The following RYR2 variants were observed in gnomAD, a reference collection of about 807,000 sequenced individuals.
RYR2 encodes the protein cardiac muscle ryanodine receptor-calcium release channel.
A neutral mutation model predicts 601.1 loss-of-function variants in RYR2; 227 were observed. That is an observed-to-expected ratio of 0.38 (90% confidence interval 0.34 to 0.42). The LOEUF (loss-of-function observed/expected upper bound fraction) is 0.42. RYR2 is among the 10% of genes least tolerant of loss of function. The pLI, the probability that RYR2 is intolerant of heterozygous loss-of-function variation, is 1.00. For missense variants in RYR2, 4,646 were observed against 6,156.5 expected (o/e 0.75, Z 8.21); for synonymous variants, 2,223 against 2,175.1 (o/e 1.02, Z -0.61).
intron 14 of RYR2, among the ~76,000 whole-genome samples, chr1:237,450,626 T>C (rs76313299): frequency 0.021 from 3,123 of 152,298 alleles, 54 homozygotes; most frequent in Non-Finnish European, 0.03. Flanking sequence ...CTAGTTGACA[T>C]GTGCAATGCT....
chr1:237,210,590 T>C (rs1418997827), intron 1 of RYR2, among the ~76,000 whole-genome samples: 1 of 152,202 alleles, frequency 6.6e-6, no homozygotes, highest in Non-Finnish European at 1.5e-5. Flanking sequence ...CATTCCATTA[T>C]ATGCTGGTCC....
chr1:237,404,047 A>G (rs1323691760), intron 10 of RYR2, among the ~76,000 whole-genome samples: 1 of 152,188 alleles, frequency 6.6e-6, no homozygotes, highest in African/African-American at 2.4e-5. Flanking sequence ...CCAGTCTAGG[A>G]GTTCAAGACC....
At chr1:237,625,415 G>A (rs1309347205) in intron 39 of RYR2, among the ~76,000 whole-genome samples, 1 of 152,068 alleles carries the variant, frequency 6.6e-6, no homozygotes, top group African/African-American at 2.4e-5. Context: ...TCTCTACTCA[G>A]TGTTATATTT....
intron 29 of RYR2, among the ~76,000 whole-genome samples, chr1:237,574,513 G>GT (rs1456831033): frequency 6.6e-6 from 1 of 152,184 alleles, no homozygotes; most frequent in Non-Finnish European, 1.5e-5. Context: ...TTTACTTTGA[G>GT]TTAGTCAAAT....
intron 17 of RYR2, among the ~76,000 whole-genome samples, chr1:237,489,266 T>C (rs1476681384): frequency 6.6e-6 from 1 of 151,918 alleles, no homozygotes; most frequent in African/African-American, 2.4e-5. Flanking sequence ...CCAACAAACA[T>C]ATGAAAAATA....
intron 23 of RYR2, among the ~76,000 whole-genome samples, chr1:237,507,229 G>T (rs535517555): frequency 7.2e-5 from 11 of 152,208 alleles, no homozygotes; most frequent in Non-Finnish European, 1.3e-4. Context: ...AGTTCCAATT[G>T]TGTGTAAAAG....
intron 47 of RYR2, among the ~76,000 whole-genome samples, chr1:237,642,064 AAC>A (rs1475952678): frequency 6.6e-6 from 1 of 152,238 alleles, no homozygotes; most frequent in East Asian, 1.9e-4. Context: ...GAGAGTTTGA[AAC>A]ACATTGATTG....
At chr1:237,115,118 C>T (rs552314845) in intron 1 of RYR2, among the ~76,000 whole-genome samples, 1 of 152,152 alleles carries the variant, frequency 6.6e-6, no homozygotes, top group South Asian at 2.1e-4. Flanking sequence ...GGCTATCTGT[C>T]GGTACCTTTG....
intron 88 of RYR2, among the ~76,000 whole-genome samples, 192 bp downstream of exon 88, chr1:237,778,962 C>T (rs553964740): frequency 6.6e-6 from 1 of 152,164 alleles, no homozygotes; most frequent in Admixed American, 6.5e-5. Flanking sequence ...CGTTATGTAA[C>T]CTGAGAATAG....
At chr1:237,626,653 G>A (rs1679709700) in intron 40 of RYR2, among the ~76,000 whole-genome samples, 1 of 125,624 alleles carries the variant, frequency 8.0e-6, no homozygotes, top group African/African-American at 3.1e-5. Flanking sequence ...GTGCAGTGGT[G>A]CATTTTCGGC....
intron 1 of RYR2, among the ~76,000 whole-genome samples, chr1:237,156,407 A>G (rs1285509070): frequency 6.6e-6 from 1 of 152,224 alleles, no homozygotes; most frequent in Non-Finnish European, 1.5e-5. Flanking sequence ...TACCTCCTGG[A>G]GGTTTTACAA....
intron 68 of RYR2, among the ~76,000 whole-genome samples, chr1:237,708,334 G>C (rs1688551609): frequency 6.6e-6 from 1 of 151,976 alleles, no homozygotes; most frequent in African/African-American, 2.4e-5. Context: ...TACTTTCAGG[G>C]GGAAAAAAGT....
intron 27 of RYR2, among the ~76,000 whole-genome samples, chr1:237,556,746 T>C (rs1046958443): frequency 1.3e-5 from 2 of 151,864 alleles, no homozygotes; most frequent in Admixed American, 6.6e-5. Context: ...ACCACTACCA[T>C]ACAATGAAAG....
At chr1:237,651,829 A>C (rs754700373) in intron 51 of RYR2, among the ~76,000 whole-genome samples, 3 of 152,156 alleles carry the variant, frequency 2.0e-5, no homozygotes, top group Non-Finnish European at 2.9e-5. Context: ...CGAGGTTAGG[A>C]GATCGAGACC....
intron 20 of RYR2, among the ~76,000 whole-genome samples, chr1:237,498,876 T>A (rs910579789): frequency 1.3e-5 from 2 of 152,164 alleles, no homozygotes; most frequent in Non-Finnish European, 1.5e-5. Flanking sequence ...TCATTTTTTT[T>A]AAATGGCAAG....
intron 10 of RYR2, 120 bp downstream of exon 10, chr1:237,388,303 C>A: frequency 1.3e-6 from 1 of 769,688 alleles, no homozygotes; most frequent in Non-Finnish European, 2.1e-6. Context: ...TACTGACATT[C>A]ATTGATTCAC....
At chr1:237,323,251 C>T (rs1695808100) in intron 2 of RYR2, among the ~76,000 whole-genome samples, 1 of 152,034 alleles carries the variant, frequency 6.6e-6, no homozygotes. Context: ...GAGGCAGGAA[C>T]CTACATCAGA....
intron 2 of RYR2, among the ~76,000 whole-genome samples, chr1:237,297,157 C>T (rs967630251): frequency 2.0e-5 from 3 of 152,118 alleles, no homozygotes; most frequent in Non-Finnish European, 4.4e-5. Flanking sequence ...TAATTATTGT[C>T]ATATTTCTTA....
intron 2 of RYR2, among the ~76,000 whole-genome samples, chr1:237,302,544 T>G (rs931113378): frequency 1.3e-5 from 2 of 152,172 alleles, no homozygotes; most frequent in African/African-American, 4.8e-5. Flanking sequence ...TGTCCCTGAA[T>G]TATACAGGAT....
Sources: gnomAD v4.1 joint callset for allele counts (sites outside exome capture counted in the v4.1 genomes callset) on GRCh38, gnomAD v4.1.1 for gene constraint, MANE v1.5 for transcripts, NCBI Gene and HGNC (gene_info 2026-07-23, HGNC 2026-07-21) for gene names.